The following PTPN3 variants were observed in gnomAD, a reference collection of about 807,000 sequenced individuals.
PTPN3 encodes tyrosine-protein phosphatase non-receptor type 3.
Under a neutral mutation model 132.7 loss-of-function variants are expected in PTPN3, and 96 were observed. The ratio of observed to expected loss-of-function variants is 0.72; its 90% CI spans 0.61 to 0.86. PTPN3 has a LOEUF of 0.86. PTPN3 is among the 40% of genes least tolerant of loss of function. The pLI, the probability that PTPN3 is intolerant of heterozygous loss-of-function variation, is 0.00. For missense variants in PTPN3, 1,125 were observed against 1,159.6 expected (o/e 0.97, Z 0.43); for synonymous variants, 398 against 429.0 (o/e 0.93, Z 0.89).
chr9:109,392,059 TAC>T (rs1588306624), intron 19 of PTPN3, among the ~76,000 whole-genome samples: 2 of 152,204 alleles, frequency 1.3e-5, no homozygotes, highest in Non-Finnish European at 2.9e-5. Context: ...ACATTTCATT[TAC>T]AGAGGTACTT....
chr9:109,403,030 A>ATGGC (rs1425388987), intron 19 of PTPN3, among the ~76,000 whole-genome samples: 1 of 152,172 alleles, frequency 6.6e-6, no homozygotes, highest in Non-Finnish European at 1.5e-5. Flanking sequence ...GTGAGCCAAG[A>ATGGC]TGGCACCACT....
intron 1 of PTPN3, among the ~76,000 whole-genome samples, chr9:109,493,896 G>C (rs927786695): frequency 6.6e-6 from 1 of 152,208 alleles, no homozygotes; most frequent in East Asian, 1.9e-4. Flanking sequence ...GCAGCCTGGC[G>C]ACAGGGTTGC....
chr9:109,512,856 C>A, the PTPN3 span, among the ~76,000 whole-genome samples: 1 of 152,176 alleles, frequency 6.6e-6, no homozygotes, highest in African/African-American at 2.4e-5. Context: ...GTGCTCTGAA[C>A]CCTGCATTAC....
chr9:109,496,915 A>G (rs1276689455), intron 1 of PTPN3, among the ~76,000 whole-genome samples: 1 of 152,218 alleles, frequency 6.6e-6, no homozygotes, highest in Non-Finnish European at 1.5e-5. Context: ...ATAATCGCTT[A>G]AAGTTGGATT....
intron 1 of PTPN3, among the ~76,000 whole-genome samples, chr9:109,473,922 T>C (rs1276150036): frequency 3.9e-5 from 6 of 151,992 alleles, no homozygotes; most frequent in Admixed American, 6.6e-5. Context: ...TTTTTTTTTT[T>C]TTTAAAGAGT....
Position 109,383,434 on chromosome 9 carries a change from T to C in PTPN3, c.2371A>G (p.Thr791Ala), listed in dbSNP as rs1346167071. 33 of 1,613,884 alleles carry C rather than the reference T, an allele frequency of 2.0e-5. No homozygotes were observed. Among genetic ancestry groups the C allele is most frequent in the Non-Finnish European group, 2.8e-5 (33 of 1,179,970 alleles). The change falls in exon 23 of 26, where the codon ACA becomes GCA. Residue 791 changes from threonine to alanine, a missense_variant. Physicochemically the swap from Thr to Ala is moderately conservative, Grantham distance 58. Transcript: ENST00000374541. ...IAYVSREMLV[T>A]NTQTGEEHTV... ...AGGCTGCGGCTCACCTGGGTGTTTG[T>C]GACCAGCATTTCTCGGGACACATAG...
chr9:109,416,425 GTTTTT>G (rs1412126897), intron 14 of PTPN3, among the ~76,000 whole-genome samples: 5 of 149,618 alleles, frequency 3.3e-5, no homozygotes, highest in African/African-American at 1.2e-4. Flanking sequence ...ATGAACAGAA[GTTTTT>G]TGTTTTTTGT....
At chr9:109,461,409 A>G (rs988932802) in intron 2 of PTPN3, among the ~76,000 whole-genome samples, 8 of 152,334 alleles carry the variant, frequency 5.3e-5, no homozygotes, top group African/African-American at 1.9e-4. Flanking sequence ...TGAGCAATCT[A>G]AAGTGGGGAC....
chr9:109,386,526 G>T (rs976454972), intron 22 of PTPN3, among the ~76,000 whole-genome samples: 1 of 152,192 alleles, frequency 6.6e-6, no homozygotes, highest in Non-Finnish European at 1.5e-5. Context: ...CAGAGACACA[G>T]GCGGCTCACA....
At position 109,425,730 on chromosome 9, in the gene PTPN3, A is replaced by G. The variant is rs1390437763; in HGVS notation, c.1001+1220T>C. Among the ~76,000 whole-genome samples the G allele has an allele frequency of 9.2e-5, 12 of 130,382 alleles. No homozygotes were observed. The East Asian group carries it at 2.9e-3, about 31-fold the overall frequency. The allele number at this position is 130,382 out of a possible 152,430, so 85.5% of individuals were successfully genotyped here. ...CAAAACAAAACAAAAAAGAGAGAAT[A>G]GGCTGGGCACGGTGGCTCATGCCTG... On this transcript the variant is annotated intron_variant, in intron 12 of 25. Transcript: ENST00000374541.
rs1417371804 is a variant in PTPN3 at position 109,476,137 on chromosome 9, T to C, written c.-17-12686A>G. 2.0e-5 allele frequency among the ~76,000 whole-genome samples: 3 copies of C among 152,190 alleles called. No individual in the cohort carries two copies. In the East Asian group the frequency reaches 5.8e-4, roughly 29 times the overall value. On this transcript the variant is annotated intron_variant, in intron 1 of 25. Transcript: ENST00000374541. The stretch of plus-strand genomic sequence containing the variant: ...ATCCAGGGGGCCATCTCAGGTTATA[T>C]TAGGTTCGGTAACCCTGCTGGTTGC...
intron 1 of PTPN3, among the ~76,000 whole-genome samples, chr9:109,474,880 CCTCT>C (rs1175797276): frequency 1.3e-5 from 2 of 152,018 alleles, no homozygotes; most frequent in Non-Finnish European, 2.9e-5. Flanking sequence ...GACTGCTTAC[CCTCT>C]CTGAGACTCA....
chr9:109,436,777 TC>T, intron 9 of PTPN3, 105 bp downstream of exon 9: 1 of 1,446,818 alleles, frequency 6.9e-7, no homozygotes, highest in Non-Finnish European at 9.1e-7. Context: ...TTTTAAAAAG[TC>T]CTGTTATAAT....
intron 14 of PTPN3, among the ~76,000 whole-genome samples, chr9:109,413,475 G>A (rs953931307): frequency 7.2e-5 from 11 of 152,208 alleles, no homozygotes; most frequent in Admixed American, 7.2e-4. Context: ...GGGTGGCCAG[G>A]GGTGAAGGCA....
chr9:109,502,074 C>A (rs1323858061), upstream of PTPN3, among the ~76,000 whole-genome samples: 1 of 152,124 alleles, frequency 6.6e-6, no homozygotes, highest in African/African-American at 2.4e-5. Context: ...AGATACGCTA[C>A]AAACTGAATA....
chr9:109,381,008 T>C (rs1839030313), intron 25 of PTPN3, among the ~76,000 whole-genome samples: 1 of 152,144 alleles, frequency 6.6e-6, no homozygotes. Context: ...CTCTGCACCC[T>C]TCTTTGTCAA....
Position 109,405,089 on chromosome 9 carries a change from G to A in PTPN3, c.1793-481C>T, listed in dbSNP as rs1346070164. On this transcript the variant is annotated intron_variant, in intron 18 of 25. Coordinates refer to ENST00000374541, the MANE Select transcript of PTPN3 (RefSeq NM_002829.4). ...AGAGCTCAATCCCTAACTCAGGGCC[G>A]TTTCTATGTGGGAGGCTCCCACGTA... Among the ~76,000 whole-genome samples the A allele has an allele frequency of 7.2e-5, 11 of 152,264 alleles. No individual in the cohort carries two copies. In the East Asian group the frequency reaches 7.7e-4, roughly 11 times the overall value.
At chr9:109,528,983 C>T in the PTPN3 span, among the ~76,000 whole-genome samples, 1 of 152,164 alleles carries the variant, frequency 6.6e-6, no homozygotes, top group African/African-American at 2.4e-5. Flanking sequence ...CTTTAGAAAT[C>T]TCTGTTAAGC....
Position 109,377,455 on chromosome 9 carries a change from C to T in PTPN3, c.*2101G>A, listed in dbSNP as rs1185811751. 7.7e-6 allele frequency: 1 copy of T among 129,960 alleles called. No homozygotes were observed. The highest frequency in any genetic ancestry group is 3.0e-5 in the African/African-American group (1 of 33,114). The allele number at this position is 129,960 out of a possible 1,614,324, so 8.1% of individuals were successfully genotyped here. A position where few individuals can be genotyped will look rare whatever the true frequency, so the allele number is the denominator to read the frequency against. ...ACACACACACACACACACACACACA[C>T]ACAAGCCAGGTGAGGTGGCATGTGC... On this transcript the variant is annotated 3_prime_UTR_variant, in exon 26 of 26. Transcript: ENST00000374541.
Sources: gnomAD v4.1 joint callset for allele counts (sites outside exome capture counted in the v4.1 genomes callset) on GRCh38, gnomAD v4.1.1 for gene constraint, MANE v1.5 for transcripts, NCBI Gene and HGNC (gene_info 2026-07-23, HGNC 2026-07-21) for gene names.